The following PCLAF variants were observed in gnomAD, a reference collection of about 807,000 sequenced individuals.
PCLAF encodes the protein PCNA clamp associated factor.
PCLAF carries 12 observed loss-of-function variants against 15.1 expected under a neutral mutation model. The ratio of observed to expected loss-of-function variants is 0.79; its 90% CI spans 0.51 to 1.29. PCLAF has a LOEUF of 1.29. Ranked by LOEUF, PCLAF falls within the 50% of genes most tolerant of loss-of-function variation. The pLI, the probability that PCLAF is intolerant of heterozygous loss-of-function variation, is 0.00. For synonymous variants in PCLAF, 33 were observed against 47.1 expected (o/e 0.70, Z 1.22); for missense variants, 116 against 130.9 (o/e 0.89, Z 0.56).
At chr15:64,381,487 G>A (rs2140534535), upstream of PCLAF, 5 of 1,593,314 alleles carry the variant, frequency 3.1e-6, no homozygotes, top group Non-Finnish European at 4.3e-6. Context: ...TCTTTCCCGC[G>A]CGCTCCAAGG....
At chr15:64,373,478 G>T in intron 3 of PCLAF, 1 of 651,000 alleles carries the variant, frequency 1.5e-6, no homozygotes, top group Non-Finnish European at 2.3e-6. Context: ...GAGAACTGTA[G>T]CTGTTTCTTG....
chr15:64,384,395 A>C (rs979549570), upstream of PCLAF, among the ~76,000 whole-genome samples: 1 of 151,696 alleles, frequency 6.6e-6, no homozygotes, highest in Non-Finnish European at 1.5e-5. Context: ...CGGCCTCCCA[A>C]AGTGCTGGGA....
intron 3 of PCLAF, among the ~76,000 whole-genome samples, chr15:64,371,766 T>C (rs972014123): frequency 6.6e-6 from 1 of 152,038 alleles, no homozygotes; most frequent in Admixed American, 6.6e-5. Context: ...CCAGCTAATT[T>C]TTGTATTTTT....
intron 2 of PCLAF, among the ~76,000 whole-genome samples, chr15:64,378,602 G>A (rs1272741047): frequency 6.6e-6 from 1 of 152,114 alleles, no homozygotes; most frequent in Non-Finnish European, 1.5e-5. Flanking sequence ...TTACAGGAAT[G>A]CTTTTACTAC....
At chr15:64,376,697 G>A in intron 3 of PCLAF, 46 bp downstream of exon 3, 1 of 1,512,672 alleles carries the variant, frequency 6.6e-7, no homozygotes, top group Non-Finnish European at 9.1e-7. Context: ...GGGATTACAG[G>A]CGTGAGATAA....
chr15:64,370,079 T>C (rs116403616), intron 3 of PCLAF, among the ~76,000 whole-genome samples: 4 of 138,052 alleles, frequency 2.9e-5, no homozygotes, highest in African/African-American at 1.1e-4. Context: ...TGGAGTGTCC[T>C]TTTTTTTTTT....
intron 2 of PCLAF, among the ~76,000 whole-genome samples, chr15:64,377,160 C>T (rs1214909894): frequency 6.6e-6 from 1 of 151,412 alleles, no homozygotes; most frequent in Non-Finnish European, 1.5e-5. Flanking sequence ...ATATTTTGTC[C>T]ACAAGCAGAG....
At chr15:64,368,573 G>A (rs1899147286) in intron 3 of PCLAF, among the ~76,000 whole-genome samples, 1 of 151,996 alleles carries the variant, frequency 6.6e-6, no homozygotes, top group East Asian at 1.9e-4. Context: ...AGAAAAATAA[G>A]GCCATGGGAA....
chr15:64,375,688 C>T (rs1037494630), intron 3 of PCLAF, among the ~76,000 whole-genome samples: 6 of 152,132 alleles, frequency 3.9e-5, no homozygotes, highest in African/African-American at 9.7e-5. Context: ...CCACCGCACA[C>T]AGCCTGGTTA....
rs182731592 is a variant in PCLAF, at chr15:64,364,372, T to G, written c.*1658A>C. The G allele has an allele frequency of 1.3e-5, 2 of 152,296 alleles. No individual in the cohort carries two copies. Among genetic ancestry groups the G allele is most frequent in the South Asian group, 4.1e-4 (2 of 4,826 alleles). 9.4% of individuals were successfully genotyped at this position (152,296 alleles called of 1,614,324 possible). On this transcript the variant is annotated 3_prime_UTR_variant, in exon 4 of 4. Transcript: ENST00000300035. Reference sequence around the variant, plus strand: ...TCAGAAAAATATGCCTACTAAAATATGATTACTTTTGACAACAGGCTGCTG... The same window carrying G: ...TCAGAAAAATATGCCTACTAAAATAGGATTACTTTTGACAACAGGCTGCTG...
At position 64,381,012 on chromosome 15, in the gene PCLAF, C is replaced by T. The variant is rs528002964; in HGVS notation, c.73G>A (p.Val25Met). Residue 25 changes from valine to methionine, a missense_variant, in exon 2 of 4, where the codon GTG (valine) becomes ATG (methionine). By Grantham distance (21) the Val-to-Met change is conservative (BLOSUM62 1). Coordinates refer to ENST00000300035, the MANE Select transcript of PCLAF (RefSeq NM_014736.6). ...GTGGCAGAGGTGGAAGAACCAAGCA[C>T]CTTTCTGGGGGCTCGAGCAGCCACC... ...KVVAARAPRK[V>M]LGSSTSATNS... 3 of 1,614,136 alleles carry T rather than the reference C, an allele frequency of 1.9e-6. No individual in the cohort carries two copies. Among genetic ancestry groups the T allele is most frequent in the South Asian group, 2.2e-5 (2 of 91,080 alleles).
chr15:64,369,296 G>C (rs1331917309), intron 3 of PCLAF, among the ~76,000 whole-genome samples: 1 of 141,980 alleles, frequency 7.0e-6, no homozygotes, highest in Non-Finnish European at 1.5e-5. Flanking sequence ...AAGAGGTCAA[G>C]GCTACAGCGA....
chr15:64,373,830 C>T (rs915382869), intron 3 of PCLAF: 5 of 1,449,052 alleles, frequency 3.5e-6, no homozygotes, highest in Non-Finnish European at 4.7e-6. Context: ...AGTGACATCA[C>T]TCCCTTTCCT....
In PCLAF at chr15:64,365,991, T is replaced by TA. The variant is rs1899012968; in HGVS notation, c.*38dup. 1 of 1,503,874 alleles carries TA rather than the reference T, an allele frequency of 6.6e-7. No individual in the cohort carries two copies. The highest frequency in any genetic ancestry group is 1.4e-5 in the African/African-American group (1 of 72,504). The allele number at this position is 1,503,874 out of a possible 1,614,324, so 93.2% of individuals were successfully genotyped here. A position where few individuals can be genotyped will look rare whatever the true frequency, so the allele number is the denominator to read the frequency against. ...AAATTTACATTCTAGAATACCAGGG[T>TA]AAACAAGGAGACGTTATTCAAAGAT... On this transcript the variant is annotated 3_prime_UTR_variant, in exon 4 of 4. Coordinates refer to ENST00000300035, the MANE Select transcript of PCLAF (RefSeq NM_014736.6).
chr15:64,377,900 C>T (rs943205723), intron 2 of PCLAF, among the ~76,000 whole-genome samples: 11 of 150,680 alleles, frequency 7.3e-5, no homozygotes, highest in South Asian at 2.1e-4. Context: ...TACAGGCGCC[C>T]GCCACCACGC....
intron 3 of PCLAF, among the ~76,000 whole-genome samples, chr15:64,367,003 T>C (rs1454111964): frequency 6.7e-6 from 1 of 150,224 alleles, no homozygotes. Flanking sequence ...TGGTGGCACA[T>C]CCCTATAGTT....
chr15:64,378,178 G>A (rs910620609), intron 2 of PCLAF, among the ~76,000 whole-genome samples: 5 of 151,916 alleles, frequency 3.3e-5, no homozygotes, highest in African/African-American at 1.2e-4. Flanking sequence ...CGCCCGCCTT[G>A]GCCTCCCAAA....
chr15:64,375,044 G>A (rs145842034), intron 3 of PCLAF, among the ~76,000 whole-genome samples: 101 of 151,974 alleles, frequency 6.6e-4, no homozygotes, highest in African/African-American at 2.2e-3. Context: ...AATACACCAT[G>A]GTATTATTCC....
At chr15:64,375,555 C>T (rs866742238) in intron 3 of PCLAF, among the ~76,000 whole-genome samples, 1 of 151,974 alleles carries the variant, frequency 6.6e-6, no homozygotes, top group Non-Finnish European at 1.5e-5. Context: ...GGATTATAGG[C>T]GGCGCCGCCA....
Sources: allele counts gnomAD v4.1 joint callset (sites outside exome capture counted in the v4.1 genomes callset), GRCh38; gene constraint gnomAD v4.1.1; transcripts MANE v1.5; gene names NCBI Gene and HGNC (gene_info 2026-07-23, HGNC 2026-07-21).